DCAF6: variants seen among roughly 807,000 people sequenced by gnomAD.
DCAF6 encodes DDB1- and CUL4-associated factor 6.
Under a neutral mutation model 125.1 loss-of-function variants are expected in DCAF6, and 54 were observed. The observed-to-expected ratio is 0.43, with a 90% confidence interval of 0.35 to 0.54. The LOEUF is 0.54. Among genes scored for constraint, DCAF6 ranks in the 20% least tolerant of loss-of-function variants. The probability of loss-of-function intolerance (pLI) is 0.01; values close to 1 mark genes in which losing one functional copy is unlikely to be tolerated. For missense variants in DCAF6, 934 were observed against 1,161.7 expected (o/e 0.80, Z 2.85); for synonymous variants, 371 against 390.4 (o/e 0.95, Z 0.58).
chr1:167,943,469 C>T (rs760353815), intron 1 of DCAF6, among the ~76,000 whole-genome samples: 34 of 152,054 alleles, frequency 2.2e-4, no homozygotes, highest in Non-Finnish European at 8.8e-5. Flanking sequence ...TAGGTTTATC[C>T]TTAAATATTT....
chr1:167,933,174 T>TTG (rs1018284695), upstream of DCAF6, among the ~76,000 whole-genome samples: 1 of 151,728 alleles, frequency 6.6e-6, no homozygotes, highest in African/African-American at 2.4e-5. Context: ...CATTAGTTTT[T>TTG]TTTTTTTTTT....
At chr1:167,947,652 A>C (rs931631813) in intron 1 of DCAF6, among the ~76,000 whole-genome samples, 3 of 151,948 alleles carry the variant, frequency 2.0e-5, no homozygotes, top group Non-Finnish European at 4.4e-5. Context: ...CATGTTGTTT[A>C]ATTGTTGTGT....
the DCAF6 span, among the ~76,000 whole-genome samples, chr1:167,876,454 A>C: frequency 6.6e-6 from 1 of 152,110 alleles, no homozygotes; most frequent in Non-Finnish European, 1.5e-5. Context: ...GTCAAAATGG[A>C]TTATGCCCTT....
chr1:167,952,479 G>A (rs1245855595), intron 2 of DCAF6, among the ~76,000 whole-genome samples: 1 of 152,140 alleles, frequency 6.6e-6, no homozygotes, highest in East Asian at 1.9e-4. Context: ...GCCTCCCAAA[G>A]TGCTGGGATT....
At chr1:167,912,093 T>C in the DCAF6 span, among the ~76,000 whole-genome samples, 136 of 152,370 alleles carry the variant, frequency 8.9e-4, no homozygotes, top group Non-Finnish European at 1.5e-3. Context: ...ACAAAATGAT[T>C]AGTGATAGCT....
intron 2 of DCAF6, among the ~76,000 whole-genome samples, chr1:167,957,896 C>T (rs1459844103): frequency 2.0e-5 from 3 of 152,078 alleles, no homozygotes; most frequent in Non-Finnish European, 4.4e-5. Context: ...TGATGTTGAG[C>T]ATCTTTCTAT....
chr1:168,061,082 G>C (rs1252571571), intron 17 of DCAF6, among the ~76,000 whole-genome samples: 2 of 152,086 alleles, frequency 1.3e-5, no homozygotes, highest in Non-Finnish European at 2.9e-5. Flanking sequence ...TCAGAAAAAT[G>C]AGAGATCCAA....
At chr1:167,955,175 C>T (rs1331970119) in intron 2 of DCAF6, among the ~76,000 whole-genome samples, 1 of 152,166 alleles carries the variant, frequency 6.6e-6, no homozygotes, top group African/African-American at 2.4e-5. Context: ...CTCTGTTCAC[C>T]TGTCAGTGGA....
At chr1:167,966,801 A>G (rs1571709167) in intron 3 of DCAF6, 80 bp downstream of exon 3, 1 of 847,092 alleles carries the variant, frequency 1.2e-6, no homozygotes, top group East Asian at 2.5e-5. Flanking sequence ...GTGAACAGTC[A>G]TAGAATGGGC....
At chr1:167,890,128 G>A in the DCAF6 span, among the ~76,000 whole-genome samples, 1 of 152,176 alleles carries the variant, frequency 6.6e-6, no homozygotes, top group Non-Finnish European at 1.5e-5. Flanking sequence ...AAGTTCGTCA[G>A]TGTCTGGACA....
chr1:167,985,184 C>CGTGTGTGTGTGTGTGT (rs33966059), intron 4 of DCAF6, among the ~76,000 whole-genome samples: 44 of 147,040 alleles, frequency 3.0e-4, no homozygotes, highest in African/African-American at 1.0e-3. Flanking sequence ...CAAACCACGT[C>CGTGTGTGTGTGTGTGT]GTGTGTGTGT....
intron 3 of DCAF6, among the ~76,000 whole-genome samples, chr1:167,974,379 A>AGGGACTTCTGCTGTGTCTTAT (rs1677816182): frequency 6.6e-6 from 1 of 152,166 alleles, no homozygotes; most frequent in Non-Finnish European, 1.5e-5. Context: ...AATTGGATGT[A>AGGGACTTCTGCTGTGTCTTAT]GGGACTTCTG....
chr1:167,967,621 T>G (rs1676615199), intron 3 of DCAF6, among the ~76,000 whole-genome samples: 1 of 152,014 alleles, frequency 6.6e-6, no homozygotes, highest in Admixed American at 6.6e-5. Context: ...TCATTTAAAG[T>G]TCCAGTTAAG....
the DCAF6 span, among the ~76,000 whole-genome samples, chr1:167,929,355 G>A: frequency 9.3e-5 from 14 of 151,012 alleles, no homozygotes; most frequent in African/African-American, 2.7e-4. Flanking sequence ...GCGAAACTCC[G>A]TCTCGAAAAA....
chr1:168,062,915 T>C (rs1691785092), intron 17 of DCAF6, among the ~76,000 whole-genome samples: 1 of 120,664 alleles, frequency 8.3e-6, no homozygotes, highest in African/African-American at 3.2e-5. Context: ...TTAATATTCT[T>C]TTTTTTTTTT....
At chr1:167,922,971 A>G in the DCAF6 span, among the ~76,000 whole-genome samples, 1 of 152,174 alleles carries the variant, frequency 6.6e-6, no homozygotes, top group Non-Finnish European at 1.5e-5. Context: ...ACTAATCATT[A>G]GGGAAGTGCA....
At position 168,026,298 on chromosome 1, in the gene DCAF6, G is replaced by A. The variant is rs1450154240; in HGVS notation, c.1609+3251G>A. Among the ~76,000 whole-genome samples, 6 of 151,962 alleles carry A rather than the reference G, an allele frequency of 3.9e-5. No homozygotes were observed. In the East Asian group the frequency reaches 5.8e-4, roughly 15 times the overall value. The stretch of plus-strand genomic sequence containing the variant: ...ATACATCATGTGGTAAATAATATTC[G>A]TTAAACGAGTGAGTAAATGAATTCT... On this transcript the variant is annotated intron_variant, in intron 12 of 21. Transcript: ENST00000367840.
At chr1:168,009,812 T>C (rs1684032470) in intron 10 of DCAF6, among the ~76,000 whole-genome samples, 1 of 152,170 alleles carries the variant, frequency 6.6e-6, no homozygotes, top group Non-Finnish European at 1.5e-5. Flanking sequence ...ACCCTGTTTA[T>C]TTTGTGAAAA....
intron 4 of DCAF6, among the ~76,000 whole-genome samples, chr1:167,981,829 C>T (rs1018600198): frequency 2.6e-5 from 4 of 152,142 alleles, no homozygotes; most frequent in East Asian, 1.9e-4. Context: ...AATAGTGCTG[C>T]GATGAACATG....
Sources: allele counts gnomAD v4.1 joint callset (sites outside exome capture counted in the v4.1 genomes callset), GRCh38; gene constraint gnomAD v4.1.1; transcripts MANE v1.5; gene names NCBI Gene and HGNC (gene_info 2026-07-23, HGNC 2026-07-21).